The following ZNF423 variants were observed in gnomAD, a reference collection of about 807,000 sequenced individuals.
ZNF423 encodes the protein Ebf-associated zinc finger protein.
Under a neutral mutation model 95.8 loss-of-function variants are expected in ZNF423, and 12 were observed. That is an observed-to-expected ratio of 0.13 (90% CI 0.08 to 0.20). The LOEUF (loss-of-function observed/expected upper bound fraction) is 0.20, where lower values mean the gene tolerates loss of function less well. Among genes scored for constraint, ZNF423 ranks in the 10% least tolerant of loss-of-function variants. ZNF423 has a pLI of 1.00. For synonymous variants in ZNF423, 749 were observed against 711.9 expected (o/e 1.05, Z -0.83); for missense variants, 1,316 against 1,737.1 (o/e 0.76, Z 4.31).
chr16:49,553,423 C>T (rs1178858693), intron 5 of ZNF423, among the ~76,000 whole-genome samples: 5 of 150,654 alleles, frequency 3.3e-5, no homozygotes, highest in African/African-American at 7.3e-5. Context: ...CATAGCTCAC[C>T]GAAGCTTTGA....
At chr16:49,551,575 T>TG (rs1322287622) in intron 5 of ZNF423, among the ~76,000 whole-genome samples, 3 of 152,138 alleles carry the variant, frequency 2.0e-5, no homozygotes, top group Non-Finnish European at 4.4e-5. Context: ...CTTGGCAGCA[T>TG]GGGGGCAAAG....
chr16:49,621,623 C>T (rs1228612569), intron 5 of ZNF423, among the ~76,000 whole-genome samples: 6 of 152,188 alleles, frequency 3.9e-5, no homozygotes, highest in African/African-American at 1.4e-4. Flanking sequence ...GCCACTTCTA[C>T]CCACCAAGTC....
chr16:49,721,681 T>C (rs1336843674), intron 3 of ZNF423, among the ~76,000 whole-genome samples: 2 of 152,080 alleles, frequency 1.3e-5, no homozygotes, highest in Admixed American at 6.5e-5. Flanking sequence ...GGCGCACCCT[T>C]GGAAACCAAA....
At chr16:49,734,288 G>A (rs2033235302) in intron 2 of ZNF423, among the ~76,000 whole-genome samples, 2 of 152,190 alleles carry the variant, frequency 1.3e-5, no homozygotes, top group Non-Finnish European at 2.9e-5. Context: ...CCCTCAACTG[G>A]TCCCTGTCCT....
At chr16:49,604,156 C>T (rs906107896) in intron 5 of ZNF423, among the ~76,000 whole-genome samples, 1 of 152,238 alleles carries the variant, frequency 6.6e-6, no homozygotes, top group Non-Finnish European at 1.5e-5. Context: ...ACCATCAGCA[C>T]CCCGCTGGCG....
At chr16:49,658,420 C>T (rs1366048291) in intron 3 of ZNF423, among the ~76,000 whole-genome samples, 2 of 152,202 alleles carry the variant, frequency 1.3e-5, no homozygotes, top group Admixed American at 1.3e-4. Flanking sequence ...CTCTGAGGGC[C>T]CCACTCACCC....
chr16:49,743,637 C>T (rs1263441589), intron 2 of ZNF423, among the ~76,000 whole-genome samples: 4 of 151,792 alleles, frequency 2.6e-5, no homozygotes, highest in African/African-American at 7.3e-5. Context: ...CTGCCTGCTG[C>T]CCCGGGACAC....
chr16:49,805,460 G>A (rs2143926250), intron 1 of ZNF423, among the ~76,000 whole-genome samples: 1 of 152,302 alleles, frequency 6.6e-6, no homozygotes, highest in South Asian at 2.1e-4. Context: ...GAAGCAGAGG[G>A]AGATGGAGCC....
At chr16:49,757,191 G>A (rs578221657) in intron 2 of ZNF423, among the ~76,000 whole-genome samples, 26 of 152,222 alleles carry the variant, frequency 1.7e-4, no homozygotes, top group African/African-American at 5.8e-4. Context: ...TTTAATCAAC[G>A]CTTATTTATA....
At chr16:49,560,226 C>T (rs1969971268) in intron 5 of ZNF423, among the ~76,000 whole-genome samples, 1 of 152,308 alleles carries the variant, frequency 6.6e-6, no homozygotes, top group African/African-American at 2.4e-5. Context: ...CCCCCAGAGT[C>T]CCCAAATAGG....
chr16:49,495,031 C>T (rs1374521090), intron 7 of ZNF423, among the ~76,000 whole-genome samples: 1 of 152,208 alleles, frequency 6.6e-6, no homozygotes, highest in East Asian at 1.9e-4. Flanking sequence ...GAACACTTCC[C>T]ACCACCATAA....
At chr16:49,575,134 T>C (rs1399919288) in intron 5 of ZNF423, among the ~76,000 whole-genome samples, 1 of 152,078 alleles carries the variant, frequency 6.6e-6, no homozygotes, top group Non-Finnish European at 1.5e-5. Context: ...GAGAAGAAAG[T>C]GGCTCATTCA....
intron 3 of ZNF423, among the ~76,000 whole-genome samples, chr16:49,727,660 C>T (rs2033059698): frequency 2.0e-5 from 3 of 152,308 alleles, no homozygotes; most frequent in Middle Eastern, 6.8e-3. Flanking sequence ...TTTGGGGAGG[C>T]ACGTGCTGCC....
At chr16:49,701,473 G>T (rs994546929) in intron 3 of ZNF423, among the ~76,000 whole-genome samples, 15 of 152,114 alleles carry the variant, frequency 9.9e-5, no homozygotes, top group African/African-American at 3.6e-4. Flanking sequence ...GTGAGAGGAG[G>T]AGAGGGGAGG....
intron 3 of ZNF423, chr16:49,664,248 C>T: frequency 1.0e-6 from 1 of 985,538 alleles, no homozygotes; most frequent in South Asian, 4.7e-5. Flanking sequence ...GGGACGCATC[C>T]CCACCCGGCC....
At chr16:49,734,955 A>C (rs1394182208) in intron 2 of ZNF423, among the ~76,000 whole-genome samples, 3 of 152,190 alleles carry the variant, frequency 2.0e-5, no homozygotes, top group Non-Finnish European at 2.9e-5. Context: ...AGCTTAAGTG[A>C]GGCCACAGAG....
upstream of ZNF423, among the ~76,000 whole-genome samples, chr16:49,857,415 CT>C (rs765437883): frequency 2.6e-5 from 4 of 151,942 alleles, no homozygotes; most frequent in Non-Finnish European, 5.9e-5. The surrounding 1 kb of genome is among the most constrained non-coding windows in gnomAD (Gnocchi z 6.2). Flanking sequence ...AGGGAACACA[CT>C]TAGGGCCCAC....
In ZNF423 at chr16:49,822,683, C is replaced by T. The variant is rs762790858; in HGVS notation, c.40+33052G>A. The T allele has an allele frequency of 1.4e-5, 22 of 1,612,060 alleles. No homozygotes were observed. In the Admixed American group the frequency reaches 3.5e-4, roughly 26 times the overall value. ...TCCCCTGCTCACCCCTCTTCTTATG[C>T]ATCCATGTCTTTCTTCTTTTACAGG... On this transcript the variant is annotated intron_variant, in intron 1 of 7. Coordinates refer to ENST00000563137, the MANE Select transcript of ZNF423 (RefSeq NM_001379286.1).
At chr16:49,762,429 CA>C (rs1457892921) in intron 2 of ZNF423, among the ~76,000 whole-genome samples, 1 of 152,188 alleles carries the variant, frequency 6.6e-6, no homozygotes, top group Non-Finnish European at 1.5e-5. Flanking sequence ...CAGCCCTTCG[CA>C]GGGCACAAAG....
Sources: gnomAD v4.1 joint callset for allele counts (sites outside exome capture counted in the v4.1 genomes callset) on GRCh38, gnomAD v4.1.1 for gene constraint, Gnocchi (gnomAD v3.1) non-coding constraint, MANE v1.5 for transcripts, NCBI Gene and HGNC (gene_info 2026-07-23, HGNC 2026-07-21) for gene names.